Variants in SCN1A observed in about 807,000 individuals in gnomAD.
SCN1A encodes sodium voltage-gated channel alpha subunit 1.
A neutral mutation model predicts 193.7 loss-of-function variants in SCN1A; 13 were observed. That is an observed-to-expected ratio of 0.07 (90% CI 0.04 to 0.11). The LOEUF (loss-of-function observed/expected upper bound fraction) is 0.11, where lower values mean the gene tolerates loss of function less well. Ranked by LOEUF, SCN1A falls within the 10% of genes least tolerant of loss-of-function variation. SCN1A has a pLI of 1.00. For synonymous variants in SCN1A, 781 were observed against 843.6 expected (o/e 0.93, Z 1.29); for missense variants, 1,432 against 2,451.1 (o/e 0.58, Z 8.78).
chr2:166,029,378 A>G (rs1834839), intron 19 of SCN1A, among the ~76,000 whole-genome samples: 112,052 of 151,940 alleles, frequency 0.74, 41,707 homozygotes, highest in East Asian at 0.89. Flanking sequence ...AGGCCTTGGG[A>G]ATGCAGAGAG....
chr2:166,019,912 CT>C (rs200535265), intron 19 of SCN1A, among the ~76,000 whole-genome samples: 4,185 of 134,420 alleles, frequency 0.031, 138 homozygotes, highest in Admixed American at 0.13. Flanking sequence ...AGGTGAACTT[CT>C]TTTTTTTTTT....
chr2:166,008,526 G>T (rs952546243), intron 23 of SCN1A, among the ~76,000 whole-genome samples: 1 of 151,086 alleles, frequency 6.6e-6, no homozygotes, highest in African/African-American at 2.4e-5. Flanking sequence ...GATAATTTCT[G>T]TTAACATTTT....
intron 2 of SCN1A, among the ~76,000 whole-genome samples, chr2:166,083,911 G>C (rs1685802568): frequency 6.6e-6 from 1 of 152,176 alleles, no homozygotes. Context: ...ATCTTATTGT[G>C]TGGGTGAGTG....
intron 1 of SCN1A, chr2:166,148,926 T>C (rs916115961): frequency 6.6e-6 from 1 of 152,232 alleles, no homozygotes; most frequent in Admixed American, 6.5e-5. Flanking sequence ...TTACTATGCT[T>C]ATTCAAGCAT....
chr2:166,004,561 G>A (rs1691393561), intron 23 of SCN1A, among the ~76,000 whole-genome samples: 1 of 151,194 alleles, frequency 6.6e-6, no homozygotes, highest in South Asian at 2.1e-4. Flanking sequence ...ATCTATGTAA[G>A]ATGAATTAAT....
At chr2:166,049,059 T>G in intron 9 of SCN1A, 110 bp from the exon 10 acceptor site, 1 of 723,148 alleles carries the variant, frequency 1.4e-6, no homozygotes, top group Non-Finnish European at 2.5e-6. Flanking sequence ...ATTTTAAATA[T>G]ATTATTCATT....
chr2:166,078,976 G>A (rs977860593), intron 2 of SCN1A, among the ~76,000 whole-genome samples: 6 of 151,312 alleles, frequency 4.0e-5, no homozygotes, highest in African/African-American at 9.7e-5. Context: ...AATGTAGTTC[G>A]TACCATTTCT....
intron 2 of SCN1A, among the ~76,000 whole-genome samples, chr2:166,080,148 C>T (rs1398573684): frequency 1.3e-5 from 2 of 151,572 alleles, no homozygotes; most frequent in African/African-American, 4.8e-5. Context: ...AAGGAGATTT[C>T]ACCTCTTTAT....
intron 28 of SCN1A, chr2:165,993,218 A>T (rs1324685042): frequency 1.1e-3 from 108 of 96,160 alleles, no homozygotes; most frequent in African/African-American, 3.0e-3. Flanking sequence ...TGTGAGAGAG[A>T]GAGAGAGAGA....
intron 9 of SCN1A, among the ~76,000 whole-genome samples, chr2:166,050,272 C>T (rs4667865): frequency 0.67 from 101,001 of 151,470 alleles, 34,094 homozygotes; most frequent in East Asian, 0.89. Flanking sequence ...ATAATAGTTA[C>T]CTTTAATTTT....
At chr2:166,108,807 TAG>T (rs1688978503) in intron 2 of SCN1A, among the ~76,000 whole-genome samples, 1 of 152,118 alleles carries the variant, frequency 6.6e-6, no homozygotes, top group Non-Finnish European at 1.5e-5. Context: ...GGAGTGGGAA[TAG>T]AGAGTGACTA....
intron 2 of SCN1A, among the ~76,000 whole-genome samples, chr2:166,122,067 C>T (rs958188685): frequency 4.6e-5 from 7 of 152,136 alleles, no homozygotes; most frequent in African/African-American, 1.4e-4. Flanking sequence ...TCTTGGACTT[C>T]GAGCCTCCAG....
At chr2:166,021,049 TA>T (rs1004343977) in intron 19 of SCN1A, among the ~76,000 whole-genome samples, 3 of 152,202 alleles carry the variant, frequency 2.0e-5, no homozygotes, top group Non-Finnish European at 4.4e-5. Context: ...AAATTAGATT[TA>T]AAAAATGGTA....
chr2:165,986,604 G>A lies in SCN1A; in HGVS notation c.*4641C>T, dbSNP rs1427571680. 6.7e-6 allele frequency: 1 copy of A among 149,886 alleles called. No homozygotes were observed. The highest frequency in any genetic ancestry group is 2.0e-4 in the East Asian group (1 of 5,084). 9.3% of individuals were successfully genotyped at this position (149,886 alleles called of 1,614,324 possible). On this transcript the variant is annotated 3_prime_UTR_variant, in exon 29 of 29. Coordinates refer to ENST00000674923, the MANE Select transcript of SCN1A (RefSeq NM_001165963.4). ...TATATTGAATTAATTACCAACAGTA[G>A]ATCTAATTTTGAAGGTAGAAATTAT...
chr2:166,101,577 C>G (rs1688087478), intron 2 of SCN1A, among the ~76,000 whole-genome samples: 1 of 150,610 alleles, frequency 6.6e-6, no homozygotes. Flanking sequence ...TAAAGTCACA[C>G]ACATACGACG....
chr2:166,133,069 A>G (rs564857956), intron 1 of SCN1A, among the ~76,000 whole-genome samples: 266 of 152,202 alleles, frequency 1.7e-3, no homozygotes, highest in Middle Eastern at 3.2e-3. Flanking sequence ...TAGAGAGAGA[A>G]TGCCAGTTAT....
At chr2:166,087,882 T>G (rs992921845) in intron 2 of SCN1A, among the ~76,000 whole-genome samples, 2 of 152,182 alleles carry the variant, frequency 1.3e-5, no homozygotes, top group Admixed American at 6.5e-5. Flanking sequence ...AGAAGCTCCT[T>G]TATGAAATAG....
At chr2:166,100,204 C>T (rs111474850) in intron 2 of SCN1A, among the ~76,000 whole-genome samples, 9,530 of 131,374 alleles carry the variant, frequency 0.073, 493 homozygotes, top group Middle Eastern at 0.23. Flanking sequence ...TCAGAAATAA[C>T]GCCACATATC....
At chr2:166,128,055 A>AAAG (rs1435012164), upstream of SCN1A, 1 of 151,086 alleles carries the variant, frequency 6.6e-6, no homozygotes, top group African/African-American at 2.4e-5. Context: ...TTGTTTCAAA[A>AAAG]AAAAAAAAAA....
Sources: allele counts gnomAD v4.1 joint callset (sites outside exome capture counted in the v4.1 genomes callset), GRCh38; gene constraint gnomAD v4.1.1; transcripts MANE v1.5; gene names NCBI Gene and HGNC (gene_info 2026-07-23, HGNC 2026-07-21).